SUGCT: variants seen among roughly 807,000 people sequenced by gnomAD.
SUGCT encodes the protein succinyl-CoA:glutarate CoA-transferase.
In SUGCT, 41 loss-of-function variants were observed where a neutral mutation model predicts 55.0. The ratio of observed to expected loss-of-function variants is 0.74; its 90% CI spans 0.58 to 0.97. SUGCT has a LOEUF of 0.97. SUGCT is among the 50% of genes least tolerant of loss of function. The probability of loss-of-function intolerance (pLI) is 0.00; values close to 1 mark genes in which losing one functional copy is unlikely to be tolerated. For synonymous variants in SUGCT, 187 were observed against 200.4 expected (o/e 0.93, Z 0.56); for missense variants, 568 against 547.8 (o/e 1.04, Z -0.37).
At chr7:40,148,330 G>A (rs1788373458) in intron 1 of SUGCT, among the ~76,000 whole-genome samples, 2 of 152,294 alleles carry the variant, frequency 1.3e-5, no homozygotes, top group Admixed American at 1.3e-4. Context: ...TAAGAAATAT[G>A]AATGGACTGT....
intron 12 of SUGCT, among the ~76,000 whole-genome samples, chr7:40,698,842 G>A (rs1005015441): frequency 1.3e-5 from 2 of 152,158 alleles, no homozygotes; most frequent in African/African-American, 2.4e-5. Flanking sequence ...AAGGGCCAGT[G>A]GGTTCTAAAT....
At chr7:40,392,458 G>T (rs1194472372) in intron 9 of SUGCT, among the ~76,000 whole-genome samples, 4 of 152,024 alleles carry the variant, frequency 2.6e-5, no homozygotes, top group Non-Finnish European at 4.4e-5. Flanking sequence ...GAGGGTAATG[G>T]GTGGGGGGAA....
At chr7:40,811,860 C>T (rs1264509724) in intron 13 of SUGCT, among the ~76,000 whole-genome samples, 2 of 152,068 alleles carry the variant, frequency 1.3e-5, no homozygotes, top group Admixed American at 1.3e-4. Context: ...AAGGGGAATG[C>T]TTCCAGTTTT....
chr7:40,529,268 C>A (rs772656714), intron 12 of SUGCT, among the ~76,000 whole-genome samples: 1 of 152,158 alleles, frequency 6.6e-6, no homozygotes, highest in Non-Finnish European at 1.5e-5. Flanking sequence ...AGTGAAATGT[C>A]CAATATGACA....
At chr7:40,747,786 T>A (rs1037254996) in intron 12 of SUGCT, among the ~76,000 whole-genome samples, 7 of 152,098 alleles carry the variant, frequency 4.6e-5, no homozygotes, top group African/African-American at 1.2e-4. Context: ...CTCCAATTGT[T>A]TTTTTTTAAA....
intron 12 of SUGCT, among the ~76,000 whole-genome samples, chr7:40,687,794 G>A (rs1035619242): frequency 6.6e-6 from 1 of 152,140 alleles, no homozygotes; most frequent in Non-Finnish European, 1.5e-5. Context: ...TACTTCAGAA[G>A]ACTTATGGCA....
intron 13 of SUGCT, among the ~76,000 whole-genome samples, chr7:40,780,344 A>T (rs1439052161): frequency 6.6e-6 from 1 of 152,162 alleles, no homozygotes; most frequent in Non-Finnish European, 1.5e-5. Flanking sequence ...TCTGGGGCAA[A>T]GTCCAAGAGG....
intron 11 of SUGCT, among the ~76,000 whole-genome samples, chr7:40,474,887 G>A (rs1007432975): frequency 5.3e-5 from 8 of 152,166 alleles, no homozygotes. Flanking sequence ...AGAATTAAAT[G>A]TGTGAATACA....
At chr7:40,165,241 G>T (rs1784362497) in intron 1 of SUGCT, among the ~76,000 whole-genome samples, 1 of 152,108 alleles carries the variant, frequency 6.6e-6, no homozygotes, top group African/African-American at 2.4e-5. Context: ...TGGCCTTTAA[G>T]AATTTTTTTT....
At chr7:40,501,472 C>T (rs1792277434) in intron 12 of SUGCT, among the ~76,000 whole-genome samples, 1 of 152,096 alleles carries the variant, frequency 6.6e-6, no homozygotes, top group African/African-American at 2.4e-5. Flanking sequence ...GAATAAGAAT[C>T]AAGGACTTAG....
intron 9 of SUGCT, among the ~76,000 whole-genome samples, chr7:40,358,616 A>C (rs112559088): frequency 6.6e-6 from 1 of 152,066 alleles, no homozygotes; most frequent in Non-Finnish European, 1.5e-5. Context: ...CGGAAGGTTG[A>C]AGCAGGAGAA....
the SUGCT span, among the ~76,000 whole-genome samples, chr7:40,914,147 C>T: frequency 1.3e-5 from 2 of 152,020 alleles, no homozygotes; most frequent in Non-Finnish European, 1.5e-5. Flanking sequence ...TTCCCCTTCC[C>T]CTCTTTCAGT....
At chr7:40,152,282 A>C (rs1275525005) in intron 1 of SUGCT, among the ~76,000 whole-genome samples, 2 of 152,234 alleles carry the variant, frequency 1.3e-5, no homozygotes, top group African/African-American at 4.8e-5. Context: ...TTCAACTTTA[A>C]GTTCCACCCA....
intron 7 of SUGCT, among the ~76,000 whole-genome samples, chr7:40,270,119 G>A (rs1791906468): frequency 6.9e-6 from 1 of 144,776 alleles, no homozygotes; most frequent in Non-Finnish European, 1.5e-5. Context: ...CTGGGTGATG[G>A]AGCAAGACCC....
chr7:40,983,223 T>C, the SUGCT span, among the ~76,000 whole-genome samples: 1 of 152,220 alleles, frequency 6.6e-6, no homozygotes, highest in African/African-American at 2.4e-5. Context: ...GGCAGTTTTC[T>C]ACGATGGTTG....
intron 6 of SUGCT, among the ~76,000 whole-genome samples, chr7:40,203,478 T>C (rs1016342333): frequency 3.3e-5 from 5 of 152,116 alleles, no homozygotes; most frequent in Non-Finnish European, 7.3e-5. Flanking sequence ...ACTATGGAAA[T>C]AGAATATTTA....
intron 11 of SUGCT, among the ~76,000 whole-genome samples, chr7:40,477,988 G>C (rs1368366629): frequency 2.6e-5 from 4 of 152,024 alleles, no homozygotes; most frequent in South Asian, 2.1e-4. Context: ...TATTGTTTGG[G>C]CTTTTTTTTC....
intron 5 of SUGCT, among the ~76,000 whole-genome samples, chr7:40,193,022 A>T (rs1468157560): frequency 6.7e-6 from 1 of 149,440 alleles, no homozygotes; most frequent in African/African-American, 2.5e-5. Context: ...GCTGGAGTGC[A>T]GTAGTGAGAA....
intron 11 of SUGCT, among the ~76,000 whole-genome samples, chr7:40,470,928 A>G (rs1396370893): frequency 2.0e-5 from 3 of 152,174 alleles, no homozygotes; most frequent in African/African-American, 7.2e-5. Flanking sequence ...CTTTGGAAAG[A>G]GAAAAAATCC....
Sources: allele counts gnomAD v4.1 joint callset (sites outside exome capture counted in the v4.1 genomes callset), GRCh38; gene constraint gnomAD v4.1.1; transcripts MANE v1.5; gene names NCBI Gene and HGNC (gene_info 2026-07-23, HGNC 2026-07-21).